Variants in ARID1B observed in about 807,000 individuals in gnomAD.
ARID1B encodes the protein AT-rich interaction domain 1B.
Under a neutral mutation model 212.3 loss-of-function variants are expected in ARID1B, and 30 were observed. That is an observed-to-expected ratio of 0.14 (90% CI 0.11 to 0.19). The LOEUF is 0.19. ARID1B is among the 10% of genes least tolerant of loss of function. The pLI, the probability that ARID1B is intolerant of heterozygous loss-of-function variation, is 1.00. For missense variants in ARID1B, 2,891 were observed against 3,204.0 expected (o/e 0.90, Z 2.36); for synonymous variants, 1,402 against 1,301.7 (o/e 1.08, Z -1.66).
intron 4 of ARID1B, among the ~76,000 whole-genome samples, chr6:157,052,109 C>T (rs992556249): frequency 6.6e-6 from 1 of 152,060 alleles, no homozygotes; most frequent in Non-Finnish European, 1.5e-5. Context: ...CAAGTAATGA[C>T]GTAGGAAAAT....
At position 156,779,134 on chromosome 6, in the gene ARID1B, T is replaced by C. The variant is rs1445934571; in HGVS notation, c.1454T>C (p.Phe485Ser). Residue 485 changes from phenylalanine (F) to serine (S), a missense_variant, in exon 1 of 20, where the codon TTC (phenylalanine) becomes TCC (serine). Physicochemically the swap from Phe to Ser is radical, Grantham distance 155. Coordinates refer to ENST00000636930, the MANE Select transcript of ARID1B (RefSeq NM_001374828.1). ...KAAAGSAAGG[F>S]QRFAGQNQHP... Reference sequence around the variant, plus strand: ...GCCGCCGGCTCGGCGGCGGGGGGCTTCCAGCGCTTCGCCGGCCAGAACCAG... The same window carrying C: ...GCCGCCGGCTCGGCGGCGGGGGGCTCCCAGCGCTTCGCCGGCCAGAACCAG... The C allele has an allele frequency of 2.4e-6, 3 of 1,251,604 alleles. No homozygotes were observed. The highest frequency in any genetic ancestry group is 1.6e-5 in the African/African-American group (1 of 61,232). 77.5% of individuals were successfully genotyped at this position (1,251,604 alleles called of 1,614,324 possible).
At chr6:156,805,805 A>G (rs1781115546) in intron 1 of ARID1B, among the ~76,000 whole-genome samples, 1 of 152,042 alleles carries the variant, frequency 6.6e-6, no homozygotes, top group Non-Finnish European at 1.5e-5. Flanking sequence ...CCTCCTAAGT[A>G]GCTGGAATCA....
At chr6:157,057,375 CT>C (rs1021987524) in intron 4 of ARID1B, among the ~76,000 whole-genome samples, 4 of 152,018 alleles carry the variant, frequency 2.6e-5, no homozygotes, top group African/African-American at 9.7e-5. Flanking sequence ...CCAAACTATC[CT>C]TTATCTTTTA....
At chr6:157,055,878 C>T (rs185747406) in intron 4 of ARID1B, among the ~76,000 whole-genome samples, 28 of 152,280 alleles carry the variant, frequency 1.8e-4, no homozygotes, top group Admixed American at 1.8e-3. Context: ...ATGCCGCATG[C>T]TAACCCAGCA....
At position 157,095,464 on chromosome 6, in the gene ARID1B, A is replaced by G. The variant is rs550326147; in HGVS notation, c.2491+10559A>G. Among the ~76,000 whole-genome samples, 3 of 152,368 alleles carry G rather than the reference A, an allele frequency of 2.0e-5. No homozygotes were observed. The South Asian group carries it at 6.2e-4, about 32-fold the overall frequency. ...AAAAGGTAGAGACTGTGAAAAAGAA[A>G]TGCAAGAAGAAATGTTTCTAGAATA... is the stretch of plus-strand genomic sequence containing the variant. On this transcript the variant is annotated intron_variant, in intron 5 of 19. Transcript: ENST00000636930.
intron 3 of ARID1B, among the ~76,000 whole-genome samples, chr6:156,908,453 G>T (rs533843429): frequency 6.6e-6 from 1 of 152,166 alleles, no homozygotes; most frequent in East Asian, 1.9e-4. Context: ...TTTCCAAAGT[G>T]ACTTGGTCTT....
At chr6:156,850,840 C>A (rs753646478) in intron 2 of ARID1B, among the ~76,000 whole-genome samples, 6 of 151,990 alleles carry the variant, frequency 3.9e-5, no homozygotes, top group Non-Finnish European at 7.4e-5. Flanking sequence ...AAATATTTTC[C>A]CCTTGACAGG....
At position 157,148,646 on chromosome 6, in the gene ARID1B, G is replaced by C. The variant is rs772564622; in HGVS notation, c.2784G>C (p.Ala928=). 5 of 1,597,130 alleles carry C rather than the reference G, an allele frequency of 3.1e-6. No individual in the cohort carries two copies. Among genetic ancestry groups the C allele is most frequent in the Non-Finnish European group, 4.3e-6 (5 of 1,166,268 alleles). Residue 928 remains alanine, a synonymous_variant, in exon 8 of 20, where the codon GCG becomes GCC. Coordinates refer to ENST00000636930, the MANE Select transcript of ARID1B (RefSeq NM_001374828.1). This position sits in a 1 kb window ranked among gnomAD's most constrained non-coding sequence, Gnocchi z 5.6. The part of the protein sequence containing the change: ...GPQGNYSRPP[A]YSGVPSASYS... ...TAGGTAACTACTCCAGACCCCCAGC[G>C]TATAGTGGGGTGCCCAGTGCAAGCT...
At chr6:156,993,888 T>C (rs1197858426) in intron 4 of ARID1B, among the ~76,000 whole-genome samples, 1 of 152,246 alleles carries the variant, frequency 6.6e-6, no homozygotes, top group East Asian at 1.9e-4. Context: ...TCGTAAAATA[T>C]ATGTCTATCA....
chr6:157,177,889 G>A (rs763711350), intron 11 of ARID1B, among the ~76,000 whole-genome samples: 1 of 152,214 alleles, frequency 6.6e-6, no homozygotes, highest in Non-Finnish European at 1.5e-5. Context: ...TACTGTCAGT[G>A]GGAGGAGTGT....
At chr6:156,968,266 C>A (rs1400223424) in intron 4 of ARID1B, among the ~76,000 whole-genome samples, 1 of 151,970 alleles carries the variant, frequency 6.6e-6, no homozygotes, top group African/African-American at 2.4e-5. Context: ...ATATTTTGTT[C>A]ATTTTGCCAT....
chr6:156,865,304 TTAAAA>T (rs765753181), intron 2 of ARID1B, among the ~76,000 whole-genome samples: 7 of 152,210 alleles, frequency 4.6e-5, no homozygotes, highest in Non-Finnish European at 1.0e-4. Context: ...GAAAATGTCT[TTAAAA>T]TAAAAGACAT....
intron 4 of ARID1B, among the ~76,000 whole-genome samples, chr6:157,058,427 G>C (rs1783112588): frequency 6.6e-6 from 1 of 152,086 alleles, no homozygotes; most frequent in Non-Finnish European, 1.5e-5. Flanking sequence ...ACCATGCTGG[G>C]CTAATTTTTG....
At chr6:156,804,168 T>G (rs1482479863) in intron 1 of ARID1B, among the ~76,000 whole-genome samples, 1 of 151,982 alleles carries the variant, frequency 6.6e-6, no homozygotes, top group Non-Finnish European at 1.5e-5. Context: ...AAACCCCATC[T>G]CTACCAGAAA....
At chr6:156,873,698 C>T (rs761226059) in intron 2 of ARID1B, among the ~76,000 whole-genome samples, 12 of 152,234 alleles carry the variant, frequency 7.9e-5, no homozygotes, top group Non-Finnish European at 1.5e-4. Context: ...GTGTGCTTTG[C>T]AGATTCTCCT....
rs201108547 is a variant in ARID1B at position 157,039,919 on chromosome 6, T to C, written c.2248-44743T>C. On this transcript the variant is annotated intron_variant, in intron 4 of 19. Coordinates refer to ENST00000636930, the MANE Select transcript of ARID1B (RefSeq NM_001374828.1). ...CCTTCCTTCCTTCCTTCCTTCCTTCTTTCTTTTCTTTCTTTCTTTCTTTTT... is the reference window on the plus strand; with the variant it reads ...CCTTCCTTCCTTCCTTCCTTCCTTCCTTCTTTTCTTTCTTTCTTTCTTTTT... Among the ~76,000 whole-genome samples the C allele has an allele frequency of 4.4e-3, 458 of 104,350 alleles. 3 individuals are homozygous for C. The highest frequency in any genetic ancestry group is 0.015 in the African/African-American group (410 of 27,702). 68.5% of individuals were successfully genotyped at this position (104,350 alleles called of 152,430 possible). A position where few individuals can be genotyped will look rare whatever the true frequency, so the allele number is the denominator to read the frequency against.
At position 157,094,437 on chromosome 6, in the gene ARID1B, C is replaced by G. The variant is rs552416489; in HGVS notation, c.2491+9532C>G. Among the ~76,000 whole-genome samples, 4 of 152,158 alleles carry G rather than the reference C, an allele frequency of 2.6e-5. No homozygotes were observed. The highest frequency in any genetic ancestry group is 7.2e-5 in the African/African-American group (3 of 41,410). On this transcript the variant is annotated intron_variant, in intron 5 of 19. Coordinates refer to ENST00000636930, the MANE Select transcript of ARID1B (RefSeq NM_001374828.1). The surrounding 1 kb of genome is among the most constrained non-coding windows in gnomAD (Gnocchi z 4.3). ...TGGCACGATCTCCACTCACTACAAC[C>G]TCTACCTCCCAGGTTCAAGCAATTC...
chr6:156,927,853 C>T (rs1034556569), intron 3 of ARID1B, among the ~76,000 whole-genome samples: 1 of 152,144 alleles, frequency 6.6e-6, no homozygotes, highest in African/African-American at 2.4e-5. Context: ...GAATCCAAGA[C>T]GATAGCATCC....
At chr6:156,903,585 C>T (rs1255739246) in intron 3 of ARID1B, among the ~76,000 whole-genome samples, 1 of 152,078 alleles carries the variant, frequency 6.6e-6, no homozygotes, top group Non-Finnish European at 1.5e-5. Flanking sequence ...TGGAAAGTTT[C>T]TCAAAAAAGT....
Sources: allele counts gnomAD v4.1 joint callset (sites outside exome capture counted in the v4.1 genomes callset), GRCh38; gene constraint gnomAD v4.1.1; non-coding constraint Gnocchi (gnomAD v3.1); transcripts MANE v1.5; gene names NCBI Gene and HGNC (gene_info 2026-07-23, HGNC 2026-07-21).